The following ICAM5 variants were observed in gnomAD, a reference collection of about 807,000 sequenced individuals.
ICAM5 encodes ICAM-5.
In ICAM5, 38 loss-of-function variants were observed where a neutral mutation model predicts 78.8. That is an observed-to-expected ratio of 0.48 (90% CI 0.37 to 0.63). The LOEUF (loss-of-function observed/expected upper bound fraction) is 0.63. ICAM5 is among the 30% of genes least tolerant of loss of function. ICAM5 has a pLI of 0.00. For synonymous variants in ICAM5, 544 were observed against 590.9 expected, an observed-to-expected ratio of 0.92 and a Z score of 1.15; for missense variants, 1,059 against 1,303.0, an observed-to-expected ratio of 0.81 and a Z score of 2.88.
chr19:10,291,469 C>A lies in ICAM5; in HGVS notation c.353-20C>A. 6.2e-7 allele frequency: 1 copy of A among 1,611,456 alleles called. No homozygotes were observed. The highest frequency in any genetic ancestry group is 8.5e-7 in the Non-Finnish European group (1 of 1,179,398). Reference sequence around the variant, plus strand: ...CCAAGTCCCGGTGTTCAAAGAGCTGCGGACTCTTCCCCCTTGCAGAGCGAC... The same window carrying A: ...CCAAGTCCCGGTGTTCAAAGAGCTGAGGACTCTTCCCCCTTGCAGAGCGAC... On this transcript the variant is annotated intron_variant, in intron 2 of 10. Transcript: ENST00000221980.
intron 4 of ICAM5, 97 bp downstream of exon 4, chr19:10,292,419 C>A: frequency 7.1e-7 from 1 of 1,400,780 alleles, no homozygotes; most frequent in Admixed American, 2.3e-5. Context: ...CCGGAACAGG[C>A]GTGGCCCGAG....
chr19:10,293,106 A>T lies in ICAM5; in HGVS notation c.1325A>T (p.His442Leu), dbSNP rs759046287. The T allele has an allele frequency of 1.2e-6, 2 of 1,610,238 alleles. No individual in the cohort carries two copies. Among genetic ancestry groups the T allele is most frequent in the Middle Eastern group, 1.7e-4 (1 of 6,052 alleles). Reference sequence around the variant, plus strand: ...CGCGGGAACCCAGAACCCTCAGTGCACTGTGCGCGCTCCGACGGCGGGGCC... The same window carrying T: ...CGCGGGAACCCAGAACCCTCAGTGCTCTGTGCGCGCTCCGACGGCGGGGCC... ...EARGNPEPSVHCARSDGGAVL... is the reference protein window; with the variant it reads ...EARGNPEPSVLCARSDGGAVL... The change falls in exon 6 of 11, where the codon CAC becomes CTC. Residue 442 changes from histidine to leucine, a missense_variant. His to Leu is a moderately conservative substitution (Grantham distance 99). Coordinates refer to ENST00000221980, the MANE Select transcript of ICAM5 (RefSeq NM_003259.4). This position sits in a 1 kb window ranked among gnomAD's most constrained non-coding sequence, Gnocchi z 5.0.
In ICAM5 at chr19:10,291,086, C is replaced by A. The variant is rs775389277; in HGVS notation, c.97C>A (p.Pro33Thr). Residue 33 changes from proline to threonine, a missense_variant, in exon 2 of 11, where the codon CCC becomes ACC. Transcript: ENST00000221980. ...TCCCTGGGCAGCGGTCTCGCAGGAG[C>A]CCTTCTGGGCGGACCTGCAGCCTCG... ...LFGLSAVSQE[P>T]FWADLQPRVA... is the part of the protein sequence containing the mutation. 3.1e-6 allele frequency: 5 copies of A among 1,609,194 alleles called. 1 individual carries two copies. In the South Asian group the frequency reaches 4.4e-5, roughly 14 times the overall value.
rs201933364 is a variant in ICAM5 at position 10,294,446 on chromosome 19, G to C, written c.2036G>C (p.Trp679Ser). The change falls in exon 9 of 11, where the codon TGG becomes TCG. Residue 679 changes from tryptophan to serine, a missense_variant. Trp to Ser is a radical substitution (Grantham distance 177). This residue lies in a region of ICAM5 where 815 missense variants were observed against 952.8 expected (regional missense o/e 0.86). Transcript: ENST00000221980. The surrounding 1 kb of genome is among the most constrained non-coding windows in gnomAD (Gnocchi z 7.7). ...TCTACCTGCCCAAGTCACCAGACGT[G>C]GCTGGAAGGGGCTGAGGCTTCCGCG... The part of the protein sequence containing the change: ...DESTCPSHQT[W>S]LEGAEASALA... 1.4e-5 allele frequency: 22 copies of C among 1,610,368 alleles called. No homozygotes were observed. Among genetic ancestry groups the C allele is most frequent in the Non-Finnish European group, 1.9e-5 (22 of 1,178,814 alleles).
rs2040185904 is a variant in ICAM5, at chr19:10,292,829, C to G, written c.1179C>G (p.Thr393=). Residue 393 remains threonine, a synonymous_variant, in exon 5 of 11, where the codon ACC becomes ACG. Transcript: ENST00000221980. ...CDATLDVDGE[T]LIKNRSAELR... is the part of the protein sequence containing the mutation. ...CCACCCTCGATGTGGACGGGGAGAC[C>G]CTGATCAAGAACAGGAGCGCAGAGC... 1 of 1,613,066 alleles carries G rather than the reference C, an allele frequency of 6.2e-7. No homozygotes were observed. The highest frequency in any genetic ancestry group is 8.5e-7 in the Non-Finnish European group (1 of 1,179,904).
In ICAM5 at chr19:10,290,633, T is replaced by G; in HGVS notation, c.83-439T>G. On this transcript the variant is annotated intron_variant, in intron 1 of 10. Coordinates refer to ENST00000221980, the MANE Select transcript of ICAM5 (RefSeq NM_003259.4). The surrounding 1 kb of genome is among the most constrained non-coding windows in gnomAD (Gnocchi z 5.7). The stretch of plus-strand genomic sequence containing the variant: ...TCACCGGGTGTAGGGTCCTTCCTGA[T>G]CCTTGACCCAGCCTCGTCTCTCCTT... 1 of 229,830 alleles carries G rather than the reference T, an allele frequency of 4.4e-6. No homozygotes were observed. Among genetic ancestry groups the G allele is most frequent in the South Asian group, 9.3e-5 (1 of 10,800 alleles). 14.2% of individuals were successfully genotyped at this position (229,830 alleles called of 1,614,324 possible).
rs765091105 is a variant in ICAM5 at position 10,291,310 on chromosome 19, A to T, written c.321A>T (p.Thr107=). ...PVCFFRCARR[T]LQARGLIRTF... Reference sequence around the variant, plus strand: ...GCTTCTTCCGCTGCGCGCGGCGCACACTACAGGCGCGTGGGCTCATTCGCA... The same window carrying T: ...GCTTCTTCCGCTGCGCGCGGCGCACTCTACAGGCGCGTGGGCTCATTCGCA... The change falls in exon 2 of 11, where the codon ACA becomes ACT. Residue 107 remains threonine, a synonymous_variant. Transcript: ENST00000221980. 10 of 1,610,264 alleles carry T rather than the reference A, an allele frequency of 6.2e-6. No individual in the cohort carries two copies. The South Asian group carries it at 7.7e-5, about 12-fold the overall frequency.
At position 10,293,301 on chromosome 19, in the gene ICAM5, C is replaced by A. The variant is rs1428869136; in HGVS notation, c.1465+55C>A. On this transcript the variant is annotated intron_variant, in intron 6 of 10. Coordinates refer to ENST00000221980, the MANE Select transcript of ICAM5 (RefSeq NM_003259.4). This position sits in a 1 kb window ranked among gnomAD's most constrained non-coding sequence, Gnocchi z 5.0. ...ATCTGGTTCAAGGTCTGGAGGGTGG[C>A]CAGCCTCCAGGGAAGAGTAGGAGTA... 1 of 1,523,548 alleles carries A rather than the reference C, an allele frequency of 6.6e-7. No individual in the cohort carries two copies. 94.4% of individuals were successfully genotyped at this position (1,523,548 alleles called of 1,614,324 possible).
At position 10,296,414 on chromosome 19, in the gene ICAM5, T is replaced by C; in HGVS notation, c.2573T>C (p.Phe858Ser). The C allele has an allele frequency of 7.7e-7, 1 of 1,298,374 alleles. No homozygotes were observed. Among genetic ancestry groups the C allele is most frequent in the South Asian group, 2.4e-5 (1 of 41,676 alleles). 80.4% of individuals were successfully genotyped at this position (1,298,374 alleles called of 1,614,324 possible). The change falls in exon 11 of 11, where the codon TTC (phenylalanine) becomes TCC (serine). Residue 858 changes from phenylalanine (F) to serine (S), a missense_variant. Physicochemically the swap from Phe to Ser is radical, Grantham distance 155. Around this residue, in one of 3 missense-constraint regions of ICAM5, gnomAD observed 109 missense variants for 120.0 expected, o/e 0.91. Transcript: ENST00000221980. The part of the protein sequence containing the change: ...ALLAAGAGLA[F>S]YVQSTACKKG... ...CTGGCCGCGGGGGCCGGCCTGGCCT[T>C]CTACGTGCAGTCCACCGCCTGCAAG...
At chr19:10,292,539 G>A in intron 4 of ICAM5, 73 bp from the exon 5 acceptor site, 3 of 1,506,098 alleles carry the variant, frequency 2.0e-6, no homozygotes, top group Non-Finnish European at 2.7e-6. Flanking sequence ...GAGGATTCGG[G>A]CAGATAAGGG....
In ICAM5 at chr19:10,294,789, G is replaced by A; in HGVS notation, c.2230+149G>A. Reference sequence around the variant, plus strand: ...CAGGGGGTAATGAAAATTCTAGCCAGGCGCAGTGGCTCAGGTCTGTAATCC... The same window carrying A: ...CAGGGGGTAATGAAAATTCTAGCCAAGCGCAGTGGCTCAGGTCTGTAATCC... On this transcript the variant is annotated intron_variant, in intron 9 of 10. Coordinates refer to ENST00000221980, the MANE Select transcript of ICAM5 (RefSeq NM_003259.4). This position sits in a 1 kb window ranked among gnomAD's most constrained non-coding sequence, Gnocchi z 7.7. 1 of 1,216,208 alleles carries A rather than the reference G, an allele frequency of 8.2e-7. No individual in the cohort carries two copies. The allele number at this position is 1,216,208 out of a possible 1,614,324, so 75.3% of individuals were successfully genotyped here.
At chr19:10,291,963 A>T (rs1355057549) in intron 3 of ICAM5, 72 bp from the exon 4 acceptor site, 1 of 1,526,548 alleles carries the variant, frequency 6.6e-7, no homozygotes, top group African/African-American at 1.4e-5. Flanking sequence ...ATACGATAAG[A>T]TAGTGCATGT....
Position 10,292,090 on chromosome 19 carries a change from G to C in ICAM5, c.729G>C (p.Ser243=). The C allele has an allele frequency of 1.9e-6, 3 of 1,612,994 alleles. No homozygotes were observed. The highest frequency in any genetic ancestry group is 1.7e-6 in the Non-Finnish European group (2 of 1,179,744). Residue 243 remains serine, a synonymous_variant, in exon 4 of 11, where the codon TCG becomes TCC. Transcript: ENST00000221980. ...CTCCCCGGCTCTTGGAAGTTGGCTC[G>C]GAAAGGCCCGTGAGCTGCACTCTGG... ...LAAPRLLEVG[S]ERPVSCTLDG...
chr19:10,296,544 C>G lies in ICAM5; in HGVS notation c.2703C>G (p.Pro901=). ...AGGAAGAEGG[P]EAAGGAAESP... Reference sequence around the variant, plus strand: ...GGGCGGCAGGCGCGGAGGGCGGACCCGAGGCGGCGGGGGGCGCGGCCGAGT... The same window carrying G: ...GGGCGGCAGGCGCGGAGGGCGGACCGGAGGCGGCGGGGGGCGCGGCCGAGT... Residue 901 remains proline (P), a synonymous_variant, in exon 11 of 11, where the codon CCC becomes CCG. Transcript: ENST00000221980. 6.5e-6 allele frequency: 8 copies of G among 1,222,966 alleles called. No homozygotes were observed. Among genetic ancestry groups the G allele is most frequent in the East Asian group, 3.4e-5 (1 of 29,670 alleles). 75.8% of individuals were successfully genotyped at this position (1,222,966 alleles called of 1,614,324 possible). A position where few individuals can be genotyped will look rare whatever the true frequency, so the allele number is the denominator to read the frequency against.
chr19:10,293,380 G>T lies in ICAM5; in HGVS notation c.1465+134G>T. ...TTTGGGAAAGGGAAGAGGCTGGTTA[G>T]TGGGGTTGGAGAAAGATCTTGGAGG... On this transcript the variant is annotated intron_variant, in intron 6 of 10. Transcript: ENST00000221980. This position sits in a 1 kb window ranked among gnomAD's most constrained non-coding sequence, Gnocchi z 5.0. 8.0e-7 allele frequency: 1 copy of T among 1,249,002 alleles called. No individual in the cohort carries two copies. The allele number at this position is 1,249,002 out of a possible 1,614,324, so 77.4% of individuals were successfully genotyped here. A position where few individuals can be genotyped will look rare whatever the true frequency, so the allele number is the denominator to read the frequency against.
intron 3 of ICAM5, 25 bp from the exon 4 acceptor site, chr19:10,292,010 T>G (rs1042213810): frequency 6.2e-7 from 1 of 1,606,050 alleles, no homozygotes; most frequent in African/African-American, 1.3e-5. Context: ...CGGAGTTAGT[T>G]CAAACTTGGT....
At position 10,293,266 on chromosome 19, in the gene ICAM5, G is replaced by T; in HGVS notation, c.1465+20G>T. The T allele has an allele frequency of 1.3e-6, 2 of 1,558,516 alleles. No individual in the cohort carries two copies. The highest frequency in any genetic ancestry group is 1.7e-6 in the Non-Finnish European group (2 of 1,150,416). The stretch of plus-strand genomic sequence containing the variant: ...TGGAGTGTGAGTGGGGGTGCGCAGG[G>T]TGCATTTCTATCTGGTTCAAGGTCT... On this transcript the variant is annotated intron_variant, in intron 6 of 10. Transcript: ENST00000221980. The surrounding 1 kb of genome is among the most constrained non-coding windows in gnomAD (Gnocchi z 5.0).
rs775126079 is a variant in ICAM5, at chr19:10,291,656, C to T, written c.520C>T (p.Pro174Ser). 6.2e-7 allele frequency: 1 copy of T among 1,611,938 alleles called. No homozygotes were observed. The highest frequency in any genetic ancestry group is 1.3e-5 in the African/African-American group (1 of 74,930). Residue 174 changes from proline to serine, a missense_variant, in exon 3 of 11, where the codon CCC becomes TCC. Physicochemically the swap from Pro to Ser is moderately conservative, Grantham distance 74 (BLOSUM62 -1). Coordinates refer to ENST00000221980, the MANE Select transcript of ICAM5 (RefSeq NM_003259.4). ...CCGCCGCAGCTTCGCCGGTGAACCA[C>T]CCCGAGCGCGGGGCGCGGTGCTCAC... ...LIRRSFAGEP[P>S]RARGAVLTAT...
At chr19:10,295,873 T>A (rs539054132) in intron 10 of ICAM5, among the ~76,000 whole-genome samples, 94 of 152,208 alleles carry the variant, frequency 6.2e-4, no homozygotes, top group Non-Finnish European at 1.2e-3. Context: ...ACTTTAAAAC[T>A]TGGGCTGGAT....
Sources: allele counts gnomAD v4.1 joint callset (sites outside exome capture counted in the v4.1 genomes callset), GRCh38; gene constraint gnomAD v4.1.1; regional missense constraint gnomAD v4.1.1; non-coding constraint Gnocchi (gnomAD v3.1); transcripts MANE v1.5; gene names NCBI Gene and HGNC (gene_info 2026-07-23, HGNC 2026-07-21).